NOL10: variants seen among roughly 807,000 people sequenced by gnomAD.
NOL10 encodes H_NH0074G24.1.
Under a neutral mutation model 103.5 loss-of-function variants are expected in NOL10, and 58 were observed. The ratio of observed to expected loss-of-function variants is 0.56; its 90% CI spans 0.45 to 0.70. The LOEUF is 0.70. Ranked by LOEUF, NOL10 falls within the 30% of genes least tolerant of loss-of-function variation. The probability of loss-of-function intolerance (pLI) is 0.00; values close to 1 mark genes in which losing one functional copy is unlikely to be tolerated. For missense variants in NOL10, 763 were observed against 807.3 expected (o/e 0.95, Z 0.67); for synonymous variants, 287 against 282.5 (o/e 1.02, Z -0.16).
At chr2:10,641,317 T>C (rs1186452486) in intron 13 of NOL10, among the ~76,000 whole-genome samples, 1 of 151,192 alleles carries the variant, frequency 6.6e-6, no homozygotes, top group Non-Finnish European at 1.5e-5. Flanking sequence ...CACTCCAGCC[T>C]GGGCAACAAA....
intron 12 of NOL10, among the ~76,000 whole-genome samples, chr2:10,646,378 G>A (rs538598315): frequency 3.0e-4 from 45 of 152,200 alleles, no homozygotes; most frequent in African/African-American, 1.0e-3. Flanking sequence ...ACAAACCACG[G>A]AAAGGGCTCT....
At chr2:10,660,984 A>C (rs1680162448) in intron 9 of NOL10, among the ~76,000 whole-genome samples, 1 of 152,136 alleles carries the variant, frequency 6.6e-6, no homozygotes, top group East Asian at 1.9e-4. Flanking sequence ...CAGAAAAAAA[A>C]CCCTAGTTTT....
chr2:10,595,803 C>T (rs1675657009), intron 17 of NOL10, among the ~76,000 whole-genome samples: 1 of 152,028 alleles, frequency 6.6e-6, no homozygotes, highest in Non-Finnish European at 1.5e-5. Context: ...TGGGGTTTCA[C>T]TGTGTTGGCC....
chr2:10,632,569 T>C (rs1172203150), intron 13 of NOL10, among the ~76,000 whole-genome samples: 2 of 152,182 alleles, frequency 1.3e-5, no homozygotes, highest in Non-Finnish European at 2.9e-5. Flanking sequence ...TGCAAAATAA[T>C]TGTCTATAGA....
intron 13 of NOL10, among the ~76,000 whole-genome samples, chr2:10,637,580 C>G (rs1025980210): frequency 6.6e-6 from 1 of 152,208 alleles, no homozygotes; most frequent in Admixed American, 6.5e-5. Context: ...ACCTACTCAG[C>G]TGAGAGGCTT....
chr2:10,645,944 T>TACAAAC, intron 12 of NOL10, among the ~76,000 whole-genome samples: 1 of 147,680 alleles, frequency 6.8e-6, no homozygotes, highest in African/African-American at 2.5e-5. Flanking sequence ...CACACACACA[T>TACAAAC]ACACACACAC....
chr2:10,648,195 T>C (rs1336024177), intron 12 of NOL10, among the ~76,000 whole-genome samples: 1 of 152,184 alleles, frequency 6.6e-6, no homozygotes, highest in Admixed American at 6.5e-5. Context: ...AGCCTTGGTA[T>C]AAGAAAAATA....
Position 10,654,461 on chromosome 2 carries a change from G to A in NOL10, c.973+20C>T, listed in dbSNP as rs1679689634. 1.3e-6 allele frequency: 2 copies of A among 1,518,282 alleles called. No individual in the cohort carries two copies. Among genetic ancestry groups the A allele is most frequent in the Non-Finnish European group, 1.8e-6 (2 of 1,112,122 alleles). The allele number at this position is 1,518,282 out of a possible 1,614,324, so 94.1% of individuals were successfully genotyped here. A position where few individuals can be genotyped will look rare whatever the true frequency, so the allele number is the denominator to read the frequency against. On this transcript the variant is annotated intron_variant, in intron 12 of 20. Coordinates refer to ENST00000381685, the MANE Select transcript of NOL10 (RefSeq NM_024894.4). Reference sequence around the variant, plus strand: ...CATCTTTTTATTTGTCTCACTGAACGTTCACTACAGAATGCATACCTGAGT... The same window carrying A: ...CATCTTTTTATTTGTCTCACTGAACATTCACTACAGAATGCATACCTGAGT...
chr2:10,626,998 G>A (rs1677512230), intron 13 of NOL10, among the ~76,000 whole-genome samples: 1 of 152,176 alleles, frequency 6.6e-6, no homozygotes, highest in Non-Finnish European at 1.5e-5. Context: ...CTATTCTTGT[G>A]ATCCAATAAA....
chr2:10,633,410 AATTATAT>A (rs1304198441), intron 13 of NOL10, among the ~76,000 whole-genome samples: 3 of 151,090 alleles, frequency 2.0e-5, no homozygotes, highest in South Asian at 2.1e-4. Context: ...TTGATATATT[AATTATAT>A]ATTAATGTAT....
chr2:10,589,018 T>C lies in NOL10; in HGVS notation c.1844+25A>G, dbSNP rs555148547. On this transcript the variant is annotated intron_variant, in intron 19 of 20. Transcript: ENST00000381685. ...AGCAAGGGCTTGGTTACATGTCAAC[T>C]GTGCGCTCAGGCAGTGCTACTCACT... is the stretch of plus-strand genomic sequence containing the variant. 1.2e-4 allele frequency: 196 copies of C among 1,611,234 alleles called. No individual in the cohort carries two copies. The South Asian group carries it at 2.1e-3, about 17-fold the overall frequency.
At chr2:10,684,726 ACAT>A in intron 1 of NOL10, 114 bp from the exon 2 acceptor site, 1 of 702,404 alleles carries the variant, frequency 1.4e-6, no homozygotes, top group Non-Finnish European at 2.4e-6. Context: ...GGAATATATA[ACAT>A]AGGAAGCAAA....
intron 9 of NOL10, among the ~76,000 whole-genome samples, 187 bp downstream of exon 9, chr2:10,662,772 T>C (rs1680290817): frequency 6.6e-6 from 1 of 152,228 alleles, no homozygotes; most frequent in Non-Finnish European, 1.5e-5. Flanking sequence ...TTCTGTATAG[T>C]ATTTTGGAAA....
chr2:10,665,180 C>T (rs1320888187), intron 8 of NOL10, among the ~76,000 whole-genome samples: 1 of 151,986 alleles, frequency 6.6e-6, no homozygotes, highest in Non-Finnish European at 1.5e-5. Flanking sequence ...CAGGTAATTC[C>T]AAATGGTCTA....
intron 11 of NOL10, 145 bp from the exon 12 acceptor site, chr2:10,654,692 A>G: frequency 2.0e-6 from 1 of 503,516 alleles, no homozygotes; most frequent in Non-Finnish European, 3.5e-6. Context: ...AATTCTTAAA[A>G]ATCTTAGAGA....
In NOL10 at chr2:10,662,953, A is replaced by T. The variant is rs1443460241; in HGVS notation, c.677+6T>A. On this transcript the variant is annotated splice_donor_region_variant and intron_variant, in intron 9 of 20. Coordinates refer to ENST00000381685, the MANE Select transcript of NOL10 (RefSeq NM_024894.4). ...ACATTTACATTGCAAATTAATTTCT[A>T]CTTACTCTGAATCTGCTGTGACACT... 4 of 1,606,736 alleles carry T rather than the reference A, an allele frequency of 2.5e-6. No individual in the cohort carries two copies. Among genetic ancestry groups the T allele is most frequent in the Non-Finnish European group, 3.4e-6 (4 of 1,173,518 alleles).
chr2:10,670,719 T>C (rs1273816581), intron 6 of NOL10, among the ~76,000 whole-genome samples: 2 of 151,988 alleles, frequency 1.3e-5, no homozygotes, highest in Admixed American at 1.3e-4. Flanking sequence ...TGGGTGACAG[T>C]GTGAGACTCC....
chr2:10,667,739 T>C (rs1680649977), intron 7 of NOL10, among the ~76,000 whole-genome samples: 1 of 152,112 alleles, frequency 6.6e-6, no homozygotes, highest in African/African-American at 2.4e-5. Context: ...GTTATGGGGA[T>C]TAAATGAAAA....
At chr2:10,634,341 A>G (rs1678044126) in intron 13 of NOL10, among the ~76,000 whole-genome samples, 1 of 152,176 alleles carries the variant, frequency 6.6e-6, no homozygotes, top group Non-Finnish European at 1.5e-5. Flanking sequence ...AGTGGAGAGG[A>G]GAGGAAACAA....
Sources: gnomAD v4.1 joint callset for allele counts (sites outside exome capture counted in the v4.1 genomes callset) on GRCh38, gnomAD v4.1.1 for gene constraint, MANE v1.5 for transcripts, NCBI Gene and HGNC (gene_info 2026-07-23, HGNC 2026-07-21) for gene names.